A1CF: variants seen among roughly 807,000 people sequenced by gnomAD.
A1CF encodes APOBEC1 complementation factor.
A1CF carries 48 observed loss-of-function variants against 68.9 expected under a neutral mutation model. The observed-to-expected ratio is 0.70, with a 90% confidence interval of 0.55 to 0.89. The LOEUF (loss-of-function observed/expected upper bound fraction) is 0.89, where lower values mean the gene tolerates loss of function less well. Among genes scored for constraint, A1CF ranks in the 40% least tolerant of loss-of-function variants. A1CF has a pLI of 0.00. For synonymous variants in A1CF, 272 were observed against 260.4 expected (o/e 1.04, Z -0.43); for missense variants, 653 against 718.9 (o/e 0.91, Z 1.05).
intron 1 of A1CF, among the ~76,000 whole-genome samples, chr10:50,866,695 C>G (rs1841007675): frequency 6.6e-6 from 1 of 152,136 alleles, no homozygotes; most frequent in African/African-American, 2.4e-5. Flanking sequence ...TATCTTGTAC[C>G]TAAAAGCTGA....
At position 50,819,405 on chromosome 10, in the gene A1CF, G is replaced by A. The variant is rs185746820; in HGVS notation, c.867+1147C>T. The stretch of plus-strand genomic sequence containing the variant: ...CCCAAAGTGCTGAGATTACAGGTGC[G>A]AGCCACTGCACCCAGCAACTTCTTG... On this transcript the variant is annotated intron_variant, in intron 8 of 12. Coordinates refer to ENST00000373997, the MANE Select transcript of A1CF (RefSeq NM_014576.4). 2.6e-5 allele frequency among the ~76,000 whole-genome samples: 4 copies of A among 152,168 alleles called. No individual in the cohort carries two copies. In the East Asian group the frequency reaches 5.8e-4, roughly 22 times the overall value.
rs187431957 is a variant in A1CF, at chr10:50,837,805, G to A, written c.366-1493C>T. Among the ~76,000 whole-genome samples the A allele has an allele frequency of 3.3e-5, 5 of 152,190 alleles. No homozygotes were observed. In the South Asian group the frequency reaches 6.2e-4, roughly 19 times the overall value. The stretch of plus-strand genomic sequence containing the variant: ...TCATACCATTGCACGCTCTGCAGTC[G>A]TTAAAAAGAGTAACGTAGAAGAATA... On this transcript the variant is annotated intron_variant, in intron 5 of 12. Coordinates refer to ENST00000373997, the MANE Select transcript of A1CF (RefSeq NM_014576.4).
At position 50,826,428 on chromosome 10, in the gene A1CF, A is replaced by G. The variant is rs148652130; in HGVS notation, c.769+1703T>C. On this transcript the variant is annotated intron_variant, in intron 7 of 12. Coordinates refer to ENST00000373997, the MANE Select transcript of A1CF (RefSeq NM_014576.4). The stretch of plus-strand genomic sequence containing the variant: ...ATAGGTGCTTTTAAAGAATGTTTTG[A>G]TCTCTCGGCAGAAACTCGACAAGCC... Among the ~76,000 whole-genome samples, 875 of 152,232 alleles carry G rather than the reference A, an allele frequency of 5.7e-3. 8 individuals carry two copies. Among genetic ancestry groups the G allele is most frequent in the African/African-American group, 0.019 (791 of 41,550 alleles).
In A1CF at chr10:50,882,568, G is replaced by A. The variant is rs1841829758; in HGVS notation, c.-94+3013C>T. Among the ~76,000 whole-genome samples, 4 of 152,010 alleles carry A rather than the reference G, an allele frequency of 2.6e-5. No homozygotes were observed. The South Asian group carries it at 8.3e-4, about 31-fold the overall frequency. The stretch of plus-strand genomic sequence containing the variant: ...GTTAATAACTCTCCAGATTTTACAG[G>A]ATCAGGCCAAGGAGCAGATGGGATA... On this transcript the variant is annotated intron_variant, in intron 1 of 12. Coordinates refer to ENST00000373997, the MANE Select transcript of A1CF (RefSeq NM_014576.4).
intron 9 of A1CF, 103 bp from the exon 10 acceptor site, chr10:50,814,141 C>T (rs1420650549): frequency 7.5e-7 from 1 of 1,326,724 alleles, no homozygotes; most frequent in Non-Finnish European, 1.0e-6. Context: ...GAAAAGTTAG[C>T]CCAATTCACG....
At chr10:50,870,502 G>A (rs1181194034) in intron 1 of A1CF, among the ~76,000 whole-genome samples, 1 of 151,722 alleles carries the variant, frequency 6.6e-6, no homozygotes, top group African/African-American at 2.4e-5. Flanking sequence ...TTAAAAAAGA[G>A]AATACTTTTA....
chr10:50,881,481 A>G (rs1430421193), intron 1 of A1CF, among the ~76,000 whole-genome samples: 1 of 152,198 alleles, frequency 6.6e-6, no homozygotes, highest in Non-Finnish European at 1.5e-5. Flanking sequence ...ATTGACATCA[A>G]CTATAAGAAA....
intron 1 of A1CF, among the ~76,000 whole-genome samples, chr10:50,865,745 A>G (rs1840961123): frequency 6.6e-6 from 1 of 152,158 alleles, no homozygotes; most frequent in South Asian, 2.1e-4. Context: ...CTTGATTAAC[A>G]TCTTCTTTGC....
intron 6 of A1CF, among the ~76,000 whole-genome samples, chr10:50,833,457 T>C (rs953583479): frequency 6.6e-6 from 1 of 152,190 alleles, no homozygotes; most frequent in Non-Finnish European, 1.5e-5. Context: ...GCAACTTTGT[T>C]CTGTAAAGAG....
intron 3 of A1CF, among the ~76,000 whole-genome samples, chr10:50,847,113 C>T (rs998084338): frequency 4.6e-5 from 7 of 152,278 alleles, no homozygotes; most frequent in East Asian, 1.9e-4. Context: ...CTTTTCTCTC[C>T]TAGCTGATGT....
chr10:50,820,739 G>A, intron 7 of A1CF, 90 bp from the exon 8 acceptor site: 3 of 1,012,532 alleles, frequency 3.0e-6, no homozygotes, highest in Non-Finnish European at 4.3e-6. Flanking sequence ...AAGAGTATTT[G>A]ATTTTTTTTA....
chr10:50,884,947 G>A (rs1841937988), intron 1 of A1CF, among the ~76,000 whole-genome samples: 1 of 152,136 alleles, frequency 6.6e-6, no homozygotes, highest in Admixed American at 6.5e-5. Context: ...ATAATAATTA[G>A]CCATTCCAAG....
In A1CF at chr10:50,841,942, A is replaced by G. The variant is rs141891504; in HGVS notation, c.285T>C (p.Asn95=). 1,955 of 1,612,166 alleles carry G rather than the reference A, an allele frequency of 1.2e-3. 3 individuals are homozygous for G. Among genetic ancestry groups the G allele is most frequent in the Non-Finnish European group, 1.5e-3 (1,746 of 1,178,932 alleles). ...AAAATGTTACAAATGCATATCCTCT[A>G]TTGTTGCCATTAAAATCCATCATCA... ...MRMMMDFNGN[N]RGYAFVTFSN... Residue 95 remains asparagine, a synonymous_variant, in exon 5 of 13, where the codon AAT becomes AAC. Coordinates refer to ENST00000373997, the MANE Select transcript of A1CF (RefSeq NM_014576.4).
At chr10:50,884,276 C>A (rs543469686) in intron 1 of A1CF, among the ~76,000 whole-genome samples, 1 of 152,274 alleles carries the variant, frequency 6.6e-6, no homozygotes, top group South Asian at 2.1e-4. Flanking sequence ...ATAATGTTTG[C>A]CCACAACAAT....
At chr10:50,819,878 C>T (rs1838563246) in intron 8 of A1CF, among the ~76,000 whole-genome samples, 1 of 152,184 alleles carries the variant, frequency 6.6e-6, no homozygotes, top group African/African-American at 2.4e-5. Flanking sequence ...GTTTATCTCT[C>T]TTTATGATAT....
In A1CF at chr10:50,806,163, G is replaced by C. The variant is rs1837805616; in HGVS notation, c.*566C>G. On this transcript the variant is annotated 3_prime_UTR_variant, in exon 13 of 13. Coordinates refer to ENST00000373997, the MANE Select transcript of A1CF (RefSeq NM_014576.4). The stretch of plus-strand genomic sequence containing the variant: ...CAAATCGACTGGATGGAATTTTCAG[G>C]CTGAAGAGAGGTTGAAACCACAAAA... The C allele has an allele frequency of 6.6e-6, 1 of 152,212 alleles. No homozygotes were observed. The highest frequency in any genetic ancestry group is 2.1e-4 in the South Asian group (1 of 4,832). The allele number at this position is 152,212 out of a possible 1,614,324, so 9.4% of individuals were successfully genotyped here. A position where few individuals can be genotyped will look rare whatever the true frequency, so the allele number is the denominator to read the frequency against.
chr10:50,860,055 G>A (rs1840673278), intron 2 of A1CF, 70 bp from the exon 3 acceptor site: 2 of 756,460 alleles, frequency 2.6e-6, no homozygotes, highest in South Asian at 1.7e-5. Flanking sequence ...TTTCATGAAG[G>A]ACATCTTTAG....
chr10:50,857,442 C>G (rs996343231), intron 3 of A1CF, among the ~76,000 whole-genome samples: 2 of 152,104 alleles, frequency 1.3e-5, no homozygotes, highest in African/African-American at 4.8e-5. Flanking sequence ...AACTATTTTT[C>G]CATTGTTAAC....
At chr10:50,807,927 G>A (rs1265889162) in intron 12 of A1CF, among the ~76,000 whole-genome samples, 2 of 152,094 alleles carry the variant, frequency 1.3e-5, no homozygotes, top group Non-Finnish European at 2.9e-5. Flanking sequence ...GGATTATTTT[G>A]AACAAAAATT....
Sources: allele counts gnomAD v4.1 joint callset (sites outside exome capture counted in the v4.1 genomes callset), GRCh38; gene constraint gnomAD v4.1.1; transcripts MANE v1.5; gene names NCBI Gene and HGNC (gene_info 2026-07-23, HGNC 2026-07-21).